The following TMEM59L variants were observed in gnomAD, a reference collection of about 807,000 sequenced individuals.
TMEM59L encodes transmembrane protein 59 like.
A neutral mutation model predicts 39.6 loss-of-function variants in TMEM59L; 31 were observed. The ratio of observed to expected loss-of-function variants is 0.78; its 90% CI spans 0.59 to 1.06. The LOEUF is 1.06. TMEM59L is among the 50% of genes least tolerant of loss of function. The probability of loss-of-function intolerance (pLI) is 0.00; values close to 1 mark genes in which losing one functional copy is unlikely to be tolerated. For missense variants in TMEM59L, 441 were observed against 451.3 expected, an observed-to-expected ratio of 0.98 and a Z score of 0.21; for synonymous variants, 219 against 202.9, an observed-to-expected ratio of 1.08 and a Z score of -0.68.
chr19:18,615,939 G>A (rs750396257), intron 3 of TMEM59L, 36 bp from the exon 4 acceptor site: 19 of 1,605,612 alleles, frequency 1.2e-5, no homozygotes, highest in South Asian at 8.8e-5. Flanking sequence ...GCCCTATTTC[G>A]GTGCCATCTT....
intron 4 of TMEM59L, 82 bp downstream of exon 4, chr19:18,616,209 A>C (rs1350134670): frequency 7.2e-4 from 1,115 of 1,543,348 alleles, no homozygotes; most frequent in Non-Finnish European, 8.9e-4. Flanking sequence ...CTCTTAGCTC[A>C]TGAGATGCAA....
chr19:18,613,088 C>A lies in TMEM59L; in HGVS notation c.130C>A (p.Leu44Met). The part of the protein sequence containing the change: ...PQLGDTQNCQ[L>M]RCRDRDLGPQ... ...GCTCGGGGACACGCAGAACTGCCAG[C>A]TGCGGTGCCGCGACCGCGACCTCGG... The change falls in exon 1 of 8, where the codon CTG becomes ATG. Residue 44 changes from leucine to methionine, a missense_variant. Coordinates refer to ENST00000262817, the MANE Select transcript of TMEM59L (RefSeq NM_012109.3). The A allele has an allele frequency of 7.5e-7, 1 of 1,341,120 alleles. No homozygotes were observed. 83.1% of individuals were successfully genotyped at this position (1,341,120 alleles called of 1,614,324 possible).
Position 18,617,098 on chromosome 19 carries a change from C to A in TMEM59L, c.660C>A (p.His220Gln). Residue 220 changes from histidine (H) to glutamine (Q), a missense_variant, in exon 5 of 8, where the codon CAC becomes CAA. Transcript: ENST00000262817. The part of the protein sequence containing the change: ...RGSHPEALEV[H>Q]VDPVGPLDKV... The stretch of plus-strand genomic sequence containing the variant: ...CCCACCCTGAAGCCCTGGAGGTGCA[C>A]GTGGGTAAGGTGCAACCTAGACCAG... 3.1e-6 allele frequency: 5 copies of A among 1,612,796 alleles called. No individual in the cohort carries two copies. The highest frequency in any genetic ancestry group is 4.2e-6 in the Non-Finnish European group (5 of 1,179,360).
chr19:18,617,304 T>C lies in TMEM59L; in HGVS notation c.664+202T>C, dbSNP rs771731157. ...GGTTCCATGGTCCACTTCTCAGGGT[T>C]CCGTGGTCTACTTCCCAGGGTTCCG... is the stretch of plus-strand genomic sequence containing the variant. On this transcript the variant is annotated intron_variant, in intron 5 of 7. Transcript: ENST00000262817. The C allele has an allele frequency of 4.5e-6, 3 of 670,660 alleles. No individual in the cohort carries two copies. In the South Asian group the frequency reaches 4.5e-5, roughly 10 times the overall value. The allele number at this position is 670,660 out of a possible 1,614,324, so 41.5% of individuals were successfully genotyped here.
Position 18,614,078 on chromosome 19 carries a change from C to G in TMEM59L, c.317-26C>G, listed in dbSNP as rs762464052. The G allele has an allele frequency of 3.1e-6, 5 of 1,612,428 alleles. No homozygotes were observed. The East Asian group carries it at 1.1e-4, about 36-fold the overall frequency. On this transcript the variant is annotated intron_variant, in intron 2 of 7. Transcript: ENST00000262817. ...GAGGTGGCCTGGGAAGGGCCGTCCC[C>G]AGTCACCCGCTCCCACCTCCCACAG...
chr19:18,619,973 TCACACACACACACACACACACA>T (rs57681167), intron 7 of TMEM59L, among the ~76,000 whole-genome samples: 8 of 116,808 alleles, frequency 6.8e-5, no homozygotes, highest in African/African-American at 1.0e-4. Flanking sequence ...GAAGACCCCA[TCACACACACACACACACACACA>T]CACACACACA....
intron 3 of TMEM59L, 55 bp from the exon 4 acceptor site, chr19:18,615,920 T>C (rs1976421992): frequency 6.3e-7 from 1 of 1,582,936 alleles, no homozygotes; most frequent in East Asian, 2.3e-5. Flanking sequence ...CTCCCATTCA[T>C]TGGTTAATGC....
In TMEM59L at chr19:18,620,501, C is replaced by T. The variant is rs1976484513; in HGVS notation, c.994C>T (p.Pro332Ser). 1.2e-6 allele frequency: 2 copies of T among 1,613,750 alleles called. No homozygotes were observed. The highest frequency in any genetic ancestry group is 1.7e-6 in the Non-Finnish European group (2 of 1,179,998). Reference sequence around the variant, plus strand: ...CCACGCCTGTGAGGACAGCCTACCACCCTACAAGCTGAAGCTGGACCTGAC... The same window carrying T: ...CCACGCCTGTGAGGACAGCCTACCATCCTACAAGCTGAAGCTGGACCTGAC... ...PSHACEDSLPPYKLKLDLTKL is the reference protein window; with the variant it reads ...PSHACEDSLPSYKLKLDLTKL Residue 332 changes from proline to serine, a missense_variant, in exon 8 of 8, where the codon CCC becomes TCC. Transcript: ENST00000262817.
rs1345238780 is a variant in TMEM59L, at chr19:18,612,912, C to CCCGG, written c.-44_-41dup. 1 of 1,268,208 alleles carries CCCGG rather than the reference C, an allele frequency of 7.9e-7. No individual in the cohort carries two copies. The highest frequency in any genetic ancestry group is 1.5e-5 in the African/African-American group (1 of 64,594). The allele number at this position is 1,268,208 out of a possible 1,614,324, so 78.6% of individuals were successfully genotyped here. On this transcript the variant is annotated 5_prime_UTR_variant, in exon 1 of 8. Coordinates refer to ENST00000262817, the MANE Select transcript of TMEM59L (RefSeq NM_012109.3). The surrounding 1 kb of genome is among the most constrained non-coding windows in gnomAD (Gnocchi z 6.2). ...CGCCGCAGCCGCTGCATCCTCCGTGCCCGGCCTGAGCTGGAGTCCCCCGCG... is the reference window on the plus strand; with the variant it reads ...CGCCGCAGCCGCTGCATCCTCCGTGCCCGGCCGGCCTGAGCTGGAGTCCCCCGCG...
At chr19:18,618,686 T>TAG (rs1976460748) in intron 7 of TMEM59L, among the ~76,000 whole-genome samples, 194 bp downstream of exon 7, 1 of 136,368 alleles carries the variant, frequency 7.3e-6, no homozygotes, top group Non-Finnish European at 1.6e-5. Flanking sequence ...TATATATATA[T>TAG]ATAATATATA....
Position 18,618,511 on chromosome 19 carries a change from T to A in TMEM59L, c.900+19T>A, listed in dbSNP as rs1229042010. On this transcript the variant is annotated intron_variant, in intron 7 of 7. Coordinates refer to ENST00000262817, the MANE Select transcript of TMEM59L (RefSeq NM_012109.3). Reference sequence around the variant, plus strand: ...GTTCCAGGTGGGTGGGATCTGTGAATGGCGCTGGGCCGAGGGAGGGGGTGA... The same window carrying A: ...GTTCCAGGTGGGTGGGATCTGTGAAAGGCGCTGGGCCGAGGGAGGGGGTGA... The A allele has an allele frequency of 6.9e-6, 11 of 1,593,866 alleles. No homozygotes were observed.
chr19:18,618,261 T>C lies in TMEM59L; in HGVS notation c.771T>C (p.Ser257=). 7.4e-7 allele frequency: 1 copy of C among 1,352,428 alleles called. No individual in the cohort carries two copies. 83.8% of individuals were successfully genotyped at this position (1,352,428 alleles called of 1,614,324 possible). A position where few individuals can be genotyped will look rare whatever the true frequency, so the allele number is the denominator to read the frequency against. Residue 257 remains serine, a synonymous_variant, in exon 6 of 8, where the codon AGT becomes AGC. Coordinates refer to ENST00000262817, the MANE Select transcript of TMEM59L (RefSeq NM_012109.3). ...SEEPQDNDFL[S]CMSRRSGLPR... Reference sequence around the variant, plus strand: ...AGCCACAGGACAATGACTTCCTCAGTTGCATGTCCCGGTGGGTGGCAGGAC... The same window carrying C: ...AGCCACAGGACAATGACTTCCTCAGCTGCATGTCCCGGTGGGTGGCAGGAC...
rs772347997 is a variant in TMEM59L at position 18,620,588 on chromosome 19, T to C, written c.*52T>C. On this transcript the variant is annotated 3_prime_UTR_variant, in exon 8 of 8. Transcript: ENST00000262817. ...CTGCAGGGGGCCCCTCGGGCCTCAC[T>C]TGCCCTGAGCCCAGGAGTCCAAGGG... 5.0e-6 allele frequency: 8 copies of C among 1,592,706 alleles called. No individual in the cohort carries two copies. The highest frequency in any genetic ancestry group is 6.0e-6 in the Non-Finnish European group (7 of 1,169,092).
rs1320782824 is a variant in TMEM59L at position 18,618,422 on chromosome 19, C to T, written c.830C>T (p.Ser277Phe). 1 of 1,608,428 alleles carries T rather than the reference C, an allele frequency of 6.2e-7. No individual in the cohort carries two copies. The highest frequency in any genetic ancestry group is 8.5e-7 in the Non-Finnish European group (1 of 1,179,302). The stretch of plus-strand genomic sequence containing the variant: ...ATCCTGGCCTGCTGCCTCTTCCTCT[C>T]CGTGCTGGTGATGCTGTGGCTGAGC... ...RWILACCLFLSVLVMLWLSCS... is the reference protein window; with the variant it reads ...RWILACCLFLFVLVMLWLSCS... Residue 277 changes from serine to phenylalanine, a missense_variant, in exon 7 of 8, where the codon TCC becomes TTC. Ser to Phe is a radical substitution (Grantham distance 155, BLOSUM62 -2). Transcript: ENST00000262817.
At position 18,620,560 on chromosome 19, in the gene TMEM59L, C is replaced by T. The variant is rs780476389; in HGVS notation, c.*24C>T. 6.2e-7 allele frequency: 1 copy of T among 1,610,252 alleles called. No individual in the cohort carries two copies. The highest frequency in any genetic ancestry group is 1.7e-5 in the Admixed American group (1 of 59,876). ...AGGCCTCCACTGGCCCCATCACTGCCAACTGCAGGGGGCCCCTCGGGCCTC... is the reference window on the plus strand; with the variant it reads ...AGGCCTCCACTGGCCCCATCACTGCTAACTGCAGGGGGCCCCTCGGGCCTC... On this transcript the variant is annotated 3_prime_UTR_variant, in exon 8 of 8. Transcript: ENST00000262817.
chr19:18,613,163 G>A, intron 1 of TMEM59L, 34 bp downstream of exon 1: 1 of 1,260,352 alleles, frequency 7.9e-7, no homozygotes. Flanking sequence ...GCCAGCGGGG[G>A]ACGCGGGATC....
chr19:18,615,266 A>C (rs574111007), intron 3 of TMEM59L, among the ~76,000 whole-genome samples: 2 of 152,308 alleles, frequency 1.3e-5, no homozygotes, highest in South Asian at 4.1e-4. Context: ...TACAGGCATG[A>C]GCCACCATGG....
chr19:18,613,268 G>A, intron 1 of TMEM59L, 139 bp downstream of exon 1: 2 of 917,990 alleles, frequency 2.2e-6, no homozygotes, highest in Non-Finnish European at 1.4e-6. Flanking sequence ...TCGGGAATGG[G>A]GAGATCTCTC....
At chr19:18,615,048 T>G (rs569725521) in intron 3 of TMEM59L, among the ~76,000 whole-genome samples, 6 of 152,264 alleles carry the variant, frequency 3.9e-5, no homozygotes, top group Admixed American at 2.6e-4. Context: ...AGTGGTACAA[T>G]CTTGGCTCAC....
Sources: allele counts gnomAD v4.1 joint callset (sites outside exome capture counted in the v4.1 genomes callset), GRCh38; gene constraint gnomAD v4.1.1; non-coding constraint Gnocchi (gnomAD v3.1); transcripts MANE v1.5; gene names NCBI Gene and HGNC (gene_info 2026-07-23, HGNC 2026-07-21).